TAFA1: variants seen among roughly 807,000 people sequenced by gnomAD.
TAFA1 encodes the protein TAFA chemokine like family member 1.
TAFA1 carries 4 observed loss-of-function variants against 18.5 expected under a neutral mutation model. That is an observed-to-expected ratio of 0.22 (90% CI 0.11 to 0.49). TAFA1 has a LOEUF of 0.49. TAFA1 is among the 20% of genes least tolerant of loss of function. TAFA1 has a pLI of 0.98. For synonymous variants in TAFA1, 56 were observed against 55.2 expected (o/e 1.01, Z -0.06); for missense variants, 147 against 169.0 (o/e 0.87, Z 0.72).
chr3:68,061,880 G>T (rs553084530), intron 2 of TAFA1, among the ~76,000 whole-genome samples: 9 of 152,184 alleles, frequency 5.9e-5, no homozygotes, highest in Admixed American at 5.9e-4. Context: ...CTCTCTTTTT[G>T]TGTGCCCTGA....
chr3:67,992,233 C>T, the TAFA1 span, among the ~76,000 whole-genome samples: 2 of 152,162 alleles, frequency 1.3e-5, no homozygotes, highest in African/African-American at 4.8e-5. Flanking sequence ...CTACTGACCC[C>T]CACTGGATAT....
At chr3:68,129,282 C>T (rs1326469031) in intron 2 of TAFA1, among the ~76,000 whole-genome samples, 2 of 152,116 alleles carry the variant, frequency 1.3e-5, no homozygotes, top group Non-Finnish European at 2.9e-5. Flanking sequence ...ACTTGTGGTT[C>T]GAATTAGAAT....
At chr3:68,370,454 ATGTGTG>A (rs1233179753) in intron 2 of TAFA1, among the ~76,000 whole-genome samples, 4 of 39,804 alleles carry the variant, frequency 1.0e-4, no homozygotes, top group Non-Finnish European at 1.7e-4. Flanking sequence ...ATGTATATAT[ATGTGTG>A]TGTGTGTGTG....
intron 3 of TAFA1, among the ~76,000 whole-genome samples, chr3:68,476,371 T>C (rs952029078): frequency 6.6e-6 from 1 of 152,226 alleles, no homozygotes; most frequent in Non-Finnish European, 1.5e-5. Flanking sequence ...GGACCTGTCC[T>C]GTTTAGTACA....
chr3:68,501,154 G>GTA (rs2072651137), intron 3 of TAFA1, among the ~76,000 whole-genome samples: 1 of 91,634 alleles, frequency 1.1e-5, no homozygotes. Flanking sequence ...GACCCTGTCT[G>GTA]AAAAAAAAAA....
intron 2 of TAFA1, among the ~76,000 whole-genome samples, chr3:68,076,840 G>T (rs2106762734): frequency 6.6e-6 from 1 of 152,330 alleles, no homozygotes. Context: ...GGATGGCTGG[G>T]TCAAATGGTA....
chr3:68,311,561 C>G (rs997731404), intron 2 of TAFA1, among the ~76,000 whole-genome samples: 4 of 152,330 alleles, frequency 2.6e-5, no homozygotes, highest in African/African-American at 7.2e-5. Flanking sequence ...AATCCAAAAT[C>G]CAGCAGGGCA....
At chr3:68,254,878 A>G (rs2067268714) in intron 2 of TAFA1, among the ~76,000 whole-genome samples, 1 of 152,162 alleles carries the variant, frequency 6.6e-6, no homozygotes, top group African/African-American at 2.4e-5. Context: ...AGCCAAACCC[A>G]CAGTGCCAGC....
At chr3:68,413,575 A>G (rs766189259) in intron 2 of TAFA1, among the ~76,000 whole-genome samples, 6 of 152,208 alleles carry the variant, frequency 3.9e-5, no homozygotes, top group Non-Finnish European at 8.8e-5. Flanking sequence ...AAATTAAATG[A>G]AATATGTGTT....
chr3:68,429,658 C>T (rs1275649274), intron 3 of TAFA1, among the ~76,000 whole-genome samples: 2 of 151,956 alleles, frequency 1.3e-5, no homozygotes, highest in Non-Finnish European at 2.9e-5. Context: ...CCAAATTCAT[C>T]CATTTCTCCT....
At position 68,417,569 on chromosome 3, in the gene TAFA1, T is replaced by C. The variant is rs1359312147; in HGVS notation, c.259+149T>C. On this transcript the variant is annotated intron_variant, in intron 3 of 4. Transcript: ENST00000478136. ...ATACAATTGCCAGCCTCAGCAGAGT[T>C]TGAATTCTTTTTTCTCTGGTGCTAT... is the stretch of plus-strand genomic sequence containing the variant. The C allele has an allele frequency of 1.2e-5, 9 of 729,906 alleles. No individual in the cohort carries two copies. The African/African-American group carries it at 1.3e-4, about 10-fold the overall frequency. 45.2% of individuals were successfully genotyped at this position (729,906 alleles called of 1,614,324 possible).
At chr3:68,382,445 A>G (rs1005201338) in intron 2 of TAFA1, among the ~76,000 whole-genome samples, 6 of 152,092 alleles carry the variant, frequency 3.9e-5, no homozygotes, top group African/African-American at 1.4e-4. Context: ...ATGGTTAGCC[A>G]GTTATCCCAG....
intron 2 of TAFA1, among the ~76,000 whole-genome samples, chr3:68,416,242 T>G (rs1231853737): frequency 6.6e-6 from 1 of 152,172 alleles, no homozygotes; most frequent in Non-Finnish European, 1.5e-5. Context: ...TCTCCTTCCT[T>G]TCTCCCTCCT....
chr3:68,178,006 T>C (rs955092597), intron 2 of TAFA1, among the ~76,000 whole-genome samples: 1 of 151,958 alleles, frequency 6.6e-6, no homozygotes, highest in Non-Finnish European at 1.5e-5. Flanking sequence ...TAGCCTGGTG[T>C]GGTGGTGGGC....
chr3:68,301,398 T>C (rs1295900509), intron 2 of TAFA1, among the ~76,000 whole-genome samples: 3 of 152,214 alleles, frequency 2.0e-5, no homozygotes, highest in African/African-American at 7.2e-5. Context: ...TCCTGTTATA[T>C]AAACCCTGCA....
chr3:68,278,214 A>G (rs1303677466), intron 2 of TAFA1, among the ~76,000 whole-genome samples: 2 of 152,154 alleles, frequency 1.3e-5, no homozygotes, highest in Non-Finnish European at 2.9e-5. Context: ...AATGGATATT[A>G]TCAGTCTTAA....
intron 2 of TAFA1, among the ~76,000 whole-genome samples, chr3:68,249,433 T>C (rs535898251): frequency 1.3e-5 from 2 of 152,284 alleles, no homozygotes; most frequent in East Asian, 3.9e-4. Flanking sequence ...AGTACCTGGT[T>C]TGAGTCATAA....
chr3:68,184,672 G>A (rs919656284), intron 2 of TAFA1, among the ~76,000 whole-genome samples: 3 of 152,082 alleles, frequency 2.0e-5, no homozygotes, highest in African/African-American at 7.2e-5. Context: ...GGTGTTGAAC[G>A]AATATTAGGT....
chr3:68,408,949 GAAA>G (rs916504268), intron 2 of TAFA1, among the ~76,000 whole-genome samples: 1 of 152,086 alleles, frequency 6.6e-6, no homozygotes, highest in Admixed American at 6.5e-5. Context: ...TGGTAAAACA[GAAA>G]AAAATTGTTG....
Sources: allele counts gnomAD v4.1 joint callset (sites outside exome capture counted in the v4.1 genomes callset), GRCh38; gene constraint gnomAD v4.1.1; transcripts MANE v1.5; gene names NCBI Gene and HGNC (gene_info 2026-07-23, HGNC 2026-07-21).